Variants in TSC22D1 observed in about 807,000 individuals in gnomAD.
TSC22D1 encodes TSC22 domain family member 1.
TSC22D1 carries 9 observed loss-of-function variants against 74.2 expected under a neutral mutation model. The observed-to-expected ratio is 0.12, with a 90% confidence interval of 0.07 to 0.21. The LOEUF (loss-of-function observed/expected upper bound fraction) is 0.21. Ranked by LOEUF, TSC22D1 falls within the 10% of genes least tolerant of loss-of-function variation. The pLI, the probability that TSC22D1 is intolerant of heterozygous loss-of-function variation, is 1.00. For missense variants in TSC22D1, 1,427 were observed against 1,304.7 expected, an observed-to-expected ratio of 1.09 and a Z score of -1.44; for synonymous variants, 586 against 492.5, an observed-to-expected ratio of 1.19 and a Z score of -2.51.
chr13:44,566,192 G>C (rs1474245377), intron 1 of TSC22D1, among the ~76,000 whole-genome samples: 5 of 151,974 alleles, frequency 3.3e-5, no homozygotes, highest in African/African-American at 9.7e-5. Context: ...TTCCTTATGG[G>C]CACTGGCCTT....
At chr13:44,447,835 T>TC in intron 1 of TSC22D1, among the ~76,000 whole-genome samples, 1 of 137,736 alleles carries the variant, frequency 7.3e-6, no homozygotes, top group South Asian at 2.2e-4. Context: ...TGCCTTTTCT[T>TC]TTTTTTTTTT....
At chr13:44,445,843 AAT>A (rs1344590427) in intron 1 of TSC22D1, among the ~76,000 whole-genome samples, 1 of 152,236 alleles carries the variant, frequency 6.6e-6, no homozygotes, top group Non-Finnish European at 1.5e-5. Flanking sequence ...CACCTATCAG[AAT>A]AGCTAAAATA....
intron 1 of TSC22D1, among the ~76,000 whole-genome samples, chr13:44,461,242 G>T (rs1336888520): frequency 6.6e-6 from 1 of 152,154 alleles, no homozygotes; most frequent in African/African-American, 2.4e-5. Flanking sequence ...CATACTGCTA[G>T]TAAGTATAAT....
At chr13:44,537,224 ACTT>A in intron 1 of TSC22D1, 4 of 898,852 alleles carry the variant, frequency 4.5e-6, no homozygotes, top group Non-Finnish European at 5.3e-6. Context: ...AAAATATAGG[ACTT>A]CATTTTGTGA....
intron 1 of TSC22D1, among the ~76,000 whole-genome samples, chr13:44,456,543 C>T (rs979390184): frequency 6.6e-6 from 1 of 152,188 alleles, no homozygotes; most frequent in Non-Finnish European, 1.5e-5. Context: ...AAAAGTTCTC[C>T]AAGTCCCCAC....
intron 1 of TSC22D1, among the ~76,000 whole-genome samples, chr13:44,554,337 T>G (rs1031829483): frequency 6.6e-6 from 1 of 152,214 alleles, no homozygotes; most frequent in Non-Finnish European, 1.5e-5. Context: ...TACCTCATTA[T>G]GCTTATTCAT....
chr13:44,480,414 G>GCCTGGGACATAAAGATTTTA lies in TSC22D1; in HGVS notation c.2913-44320_2913-44319insTAAAATCTTTATGTCCCAGG, dbSNP rs1432930871. 4.7e-3 allele frequency among the ~76,000 whole-genome samples: 721 copies of GCCTGGGACATAAAGATTTTA among 152,170 alleles called. 2 individuals carry two copies. Among genetic ancestry groups the GCCTGGGACATAAAGATTTTA allele is most frequent in the Non-Finnish European group, 7.4e-3 (506 of 68,002 alleles). On this transcript the variant is annotated intron_variant, in intron 1 of 2. Coordinates refer to ENST00000458659, the MANE Select transcript of TSC22D1 (RefSeq NM_183422.4). ...ACACTTAATACTATAAAAATTGTAG[G>GCCTGGGACATAAAGATTTTA]TGCCTGGGACATAAAGATTCTAATG... is the stretch of plus-strand genomic sequence containing the variant.
chr13:44,451,171 G>C (rs551186257), intron 1 of TSC22D1, among the ~76,000 whole-genome samples: 1 of 152,340 alleles, frequency 6.6e-6, no homozygotes, highest in African/African-American at 2.4e-5. Flanking sequence ...AAGCTCATGT[G>C]GATGGCAGCC....
chr13:44,517,808 T>G (rs1322383258), intron 1 of TSC22D1, among the ~76,000 whole-genome samples: 1 of 62,762 alleles, frequency 1.6e-5, no homozygotes, highest in Non-Finnish European at 3.3e-5. Context: ...TACACACATA[T>G]ATATGTGTGT....
chr13:44,467,886 A>C (rs1263859081), intron 1 of TSC22D1, among the ~76,000 whole-genome samples: 1 of 152,180 alleles, frequency 6.6e-6, no homozygotes, highest in African/African-American at 2.4e-5. Flanking sequence ...CAATCCCACT[A>C]CTGGGTATTT....
In TSC22D1 at chr13:44,435,919, G is replaced by A. The variant is rs1467769833; in HGVS notation, c.2964+125C>T. 2.0e-5 allele frequency: 21 copies of A among 1,047,128 alleles called. No homozygotes were observed. In the Admixed American group the frequency reaches 3.8e-4, roughly 19 times the overall value. The allele number at this position is 1,047,128 out of a possible 1,614,324, so 64.9% of individuals were successfully genotyped here. A position where few individuals can be genotyped will look rare whatever the true frequency, so the allele number is the denominator to read the frequency against. ...ACGCTGGCCGAATGGAGACAGCGCC[G>A]GCATTTCTACGCGCATCAAGAGCAA... On this transcript the variant is annotated intron_variant, in intron 2 of 2. Coordinates refer to ENST00000458659, the MANE Select transcript of TSC22D1 (RefSeq NM_183422.4).
Position 44,435,751 on chromosome 13 carries a change from T to C in TSC22D1, c.2964+293A>G, listed in dbSNP as rs182966432. 1.7e-4 allele frequency: 82 copies of C among 469,084 alleles called. No individual in the cohort carries two copies. In the East Asian group the frequency reaches 2.7e-3, roughly 15 times the overall value. The allele number at this position is 469,084 out of a possible 1,614,324, so 29.1% of individuals were successfully genotyped here. A position where few individuals can be genotyped will look rare whatever the true frequency, so the allele number is the denominator to read the frequency against. ...CTCACGACCAGCCGAAGGAGATAGT[T>C]GGCCAGCGCTTCCCTAATAAATCCC... On this transcript the variant is annotated intron_variant, in intron 2 of 2. Transcript: ENST00000458659.
At chr13:44,447,353 A>G (rs1262507151) in intron 1 of TSC22D1, among the ~76,000 whole-genome samples, 2 of 152,128 alleles carry the variant, frequency 1.3e-5, no homozygotes, top group East Asian at 3.8e-4. Flanking sequence ...ATTTTAAAAG[A>G]TATAATGCAA....
At chr13:44,570,973 T>C (rs1016322906) in intron 1 of TSC22D1, among the ~76,000 whole-genome samples, 1 of 152,228 alleles carries the variant, frequency 6.6e-6, no homozygotes, top group African/African-American at 2.4e-5. Context: ...GAATATAATA[T>C]ATATCTTTTC....
intron 1 of TSC22D1, among the ~76,000 whole-genome samples, chr13:44,554,996 A>G (rs1223783408): frequency 6.6e-6 from 1 of 152,122 alleles, no homozygotes; most frequent in Non-Finnish European, 1.5e-5. Flanking sequence ...TGTTAGGCCA[A>G]TGTGTCCACT....
At chr13:44,506,600 A>C (rs1018597960) in intron 1 of TSC22D1, among the ~76,000 whole-genome samples, 1 of 152,192 alleles carries the variant, frequency 6.6e-6, no homozygotes, top group Admixed American at 6.5e-5. Flanking sequence ...ACAAACCTAC[A>C]CATCCTGCAC....
At chr13:44,530,738 T>C (rs1036130039) in intron 1 of TSC22D1, among the ~76,000 whole-genome samples, 1 of 151,286 alleles carries the variant, frequency 6.6e-6, no homozygotes, top group Non-Finnish European at 1.5e-5. Flanking sequence ...GAGTGGAAAG[T>C]GTATGAGAAG....
intron 1 of TSC22D1, among the ~76,000 whole-genome samples, chr13:44,551,698 GGT>G (rs1340234503): frequency 6.6e-6 from 1 of 152,140 alleles, no homozygotes; most frequent in Non-Finnish European, 1.5e-5. Context: ...TGGGATTACA[GGT>G]GTGAGCCATC....
At chr13:44,556,274 G>A (rs1055539255) in intron 1 of TSC22D1, among the ~76,000 whole-genome samples, 2 of 150,882 alleles carry the variant, frequency 1.3e-5, no homozygotes, top group Admixed American at 6.6e-5. Flanking sequence ...GGCCGTGCAC[G>A]GTGACTCAAC....
Sources: allele counts gnomAD v4.1 joint callset (sites outside exome capture counted in the v4.1 genomes callset), GRCh38; gene constraint gnomAD v4.1.1; transcripts MANE v1.5; gene names NCBI Gene and HGNC (gene_info 2026-07-23, HGNC 2026-07-21).